ENTPD5: variants seen among roughly 807,000 people sequenced by gnomAD.
ENTPD5 encodes the protein nucleoside diphosphate phosphatase ENTPD5.
In ENTPD5, 49 loss-of-function variants were observed where a neutral mutation model predicts 60.2. The ratio of observed to expected loss-of-function variants is 0.81; its 90% CI spans 0.65 to 1.03. ENTPD5 has a LOEUF of 1.03. Ranked by LOEUF, ENTPD5 falls within the 50% of genes least tolerant of loss-of-function variation. The pLI is 0.00. For synonymous variants in ENTPD5, 187 were observed against 185.4 expected, an observed-to-expected ratio of 1.01 and a Z score of -0.07; for missense variants, 480 against 507.6, an observed-to-expected ratio of 0.95 and a Z score of 0.52.
chr14:73,976,917 T>C (rs565903011), intron 8 of ENTPD5, 107 bp downstream of exon 8: 25 of 1,085,096 alleles, frequency 2.3e-5, no homozygotes, highest in Non-Finnish European at 3.1e-5. Context: ...TCTTTTCCTT[T>C]TTTAAAGAAG....
chr14:74,009,613 T>C (rs757307163), intron 3 of ENTPD5, among the ~76,000 whole-genome samples: 1 of 152,150 alleles, frequency 6.6e-6, no homozygotes, highest in Non-Finnish European at 1.5e-5. Flanking sequence ...CCAAAAAAAC[T>C]TGGGGTTTTT....
chr14:73,956,024 C>T (rs972177825), downstream of ENTPD5: 32 of 1,566,020 alleles, frequency 2.0e-5, no homozygotes, highest in African/African-American at 4.0e-5. Flanking sequence ...CAGTGTCCAC[C>T]ATAAAGAAAT....
intron 2 of ENTPD5, among the ~76,000 whole-genome samples, chr14:74,011,729 T>C (rs953518328): frequency 6.6e-6 from 1 of 152,100 alleles, no homozygotes; most frequent in Non-Finnish European, 1.5e-5. Context: ...ATATGGGAAG[T>C]CGAGGTTGCA....
chr14:73,958,802 G>T (rs1384413329), downstream of ENTPD5: 8 of 1,516,242 alleles, frequency 5.3e-6, no homozygotes, highest in Non-Finnish European at 7.1e-6. Flanking sequence ...TGAGGCTGAT[G>T]TGACAGTGCA....
chr14:73,999,823 C>T (rs1310695786), intron 3 of ENTPD5, among the ~76,000 whole-genome samples: 1 of 150,750 alleles, frequency 6.6e-6, no homozygotes, highest in Admixed American at 6.6e-5. Flanking sequence ...GGCGCAGTAG[C>T]TTACACCTGT....
downstream of ENTPD5, chr14:73,959,461 A>T: frequency 1.9e-6 from 3 of 1,614,230 alleles, no homozygotes; most frequent in Non-Finnish European, 2.5e-6. Context: ...TCCCATGAAC[A>T]TGCAGCAGAG....
chr14:73,987,027 G>A (rs1352595040), intron 4 of ENTPD5, 134 bp from the exon 5 acceptor site: 1 of 750,654 alleles, frequency 1.3e-6, no homozygotes, highest in East Asian at 2.6e-5. Context: ...TAGTTGTGAG[G>A]AATGTCTTGC....
intron 3 of ENTPD5, among the ~76,000 whole-genome samples, chr14:74,001,457 G>A (rs904253251): frequency 2.0e-5 from 3 of 150,484 alleles, no homozygotes; most frequent in African/African-American, 4.9e-5. Flanking sequence ...AGCCGAGATT[G>A]CACCACTGCA....
intron 3 of ENTPD5, among the ~76,000 whole-genome samples, chr14:74,000,859 A>C (rs1490326512): frequency 6.6e-6 from 1 of 152,178 alleles, no homozygotes; most frequent in African/African-American, 2.4e-5. Context: ...AATAGAGACC[A>C]GATGTGTATA....
chr14:74,002,390 A>G (rs897078722), intron 3 of ENTPD5, among the ~76,000 whole-genome samples: 4 of 152,092 alleles, frequency 2.6e-5, no homozygotes, highest in Non-Finnish European at 5.9e-5. Context: ...CAGGATGTGA[A>G]AGTCTTACAG....
At chr14:74,012,291 A>AGGG (rs78774733) in intron 2 of ENTPD5, among the ~76,000 whole-genome samples, 23 of 148,556 alleles carry the variant, frequency 1.5e-4, no homozygotes, top group African/African-American at 4.4e-4. Flanking sequence ...TTTAGTAGAG[A>AGGG]GGGGGGGGTT....
At chr14:73,997,775 G>A (rs2058383623) in intron 3 of ENTPD5, among the ~76,000 whole-genome samples, 1 of 152,120 alleles carries the variant, frequency 6.6e-6, no homozygotes, top group African/African-American at 2.4e-5. Flanking sequence ...GTGGTGCATG[G>A]TATCTTTTGT....
intron 9 of ENTPD5, 29 bp from the exon 10 acceptor site, chr14:73,976,044 T>C: frequency 1.3e-6 from 2 of 1,574,570 alleles, no homozygotes; most frequent in East Asian, 2.2e-5. Flanking sequence ...AAAAAGACTA[T>C]TCAGGATCTG....
At chr14:73,975,011 T>C (rs938889159) in intron 10 of ENTPD5, 26 bp from the exon 11 acceptor site, 1 of 1,570,836 alleles carries the variant, frequency 6.4e-7, no homozygotes, top group African/African-American at 1.3e-5. Context: ...TTGACTAATT[T>C]CATGCTGGTC....
Position 73,996,271 on chromosome 14 carries a change from T to G in ENTPD5, c.-70-8099A>C, listed in dbSNP as rs1483535547. 3 of 741,240 alleles carry G rather than the reference T, an allele frequency of 4.0e-6. No individual in the cohort carries two copies. In the East Asian group the frequency reaches 3.9e-4, roughly 96 times the overall value. 45.9% of individuals were successfully genotyped at this position (741,240 alleles called of 1,614,324 possible). ...GTGGCATTTTGCTAACTCACTCCCTTCTCTATCCTTCCCTCCTCCCTTACT... is the reference window on the plus strand; with the variant it reads ...GTGGCATTTTGCTAACTCACTCCCTGCTCTATCCTTCCCTCCTCCCTTACT... On this transcript the variant is annotated intron_variant, in intron 3 of 15. Coordinates refer to ENST00000334696, the MANE Select transcript of ENTPD5 (RefSeq NM_001249.5).
intron 1 of ENTPD5, chr14:74,018,826 C>G (rs1159741110): frequency 2.6e-5 from 4 of 152,312 alleles, no homozygotes; most frequent in African/African-American, 9.7e-5. Context: ...CCTCGACTGC[C>G]TATCAAAAAA....
At chr14:73,971,573 A>G (rs916052929) in intron 14 of ENTPD5, among the ~76,000 whole-genome samples, 8 of 152,240 alleles carry the variant, frequency 5.3e-5, no homozygotes, top group Admixed American at 3.3e-4. Context: ...GCTGCAATGC[A>G]GTGACTGTTC....
chr14:74,002,961 G>A (rs2058556895), intron 3 of ENTPD5, among the ~76,000 whole-genome samples: 1 of 152,204 alleles, frequency 6.6e-6, no homozygotes, highest in East Asian at 1.9e-4. Flanking sequence ...TCATGCCCCT[G>A]CCTTAGGGCC....
intron 3 of ENTPD5, chr14:74,009,233 A>G (rs2058771306): frequency 6.6e-6 from 1 of 152,194 alleles, no homozygotes; most frequent in Non-Finnish European, 1.5e-5. Context: ...GGGGGTTCAT[A>G]TTGCCCCAAT....
Sources: gnomAD v4.1 joint callset for allele counts (sites outside exome capture counted in the v4.1 genomes callset) on GRCh38, gnomAD v4.1.1 for gene constraint, MANE v1.5 for transcripts, NCBI Gene and HGNC (gene_info 2026-07-23, HGNC 2026-07-21) for gene names.